The following PSMA7 variants were observed in gnomAD, a reference collection of about 807,000 sequenced individuals.
PSMA7 encodes proteasome subunit alpha type-7.
A neutral mutation model predicts 31.3 loss-of-function variants in PSMA7; 5 were observed. The observed-to-expected ratio is 0.16, with a 90% CI of 0.08 to 0.34. The LOEUF is 0.34. Ranked by LOEUF, PSMA7 falls within the 10% of genes least tolerant of loss-of-function variation. PSMA7 has a pLI of 1.00. For missense variants in PSMA7, 217 were observed against 327.5 expected, an observed-to-expected ratio of 0.66 and a Z score of 2.60; for synonymous variants, 155 against 121.9, an observed-to-expected ratio of 1.27 and a Z score of -1.79.
chr20:62,137,406 T>C lies in PSMA7; in HGVS notation c.612A>G (p.Lys204=). 6.2e-7 allele frequency: 1 copy of C among 1,614,160 alleles called. No homozygotes were observed. Among genetic ancestry groups the C allele is most frequent in the Non-Finnish European group, 8.5e-7 (1 of 1,180,022 alleles). ...GCCTCATGACAGCAAGTTCAATGTT[T>C]TTGCCACCTGACTGAACCACCTTGA... is the stretch of plus-strand genomic sequence containing the variant. ...ALLEVVQSGG[K]NIELAVMRRD... The change falls in exon 6 of 7, where the codon AAA becomes AAG. Residue 204 remains lysine (K), a synonymous_variant. Coordinates refer to ENST00000370873, the MANE Select transcript of PSMA7 (RefSeq NM_002792.4).
At chr20:62,141,875 C>T (rs904453728) in intron 1 of PSMA7, among the ~76,000 whole-genome samples, 3 of 152,176 alleles carry the variant, frequency 2.0e-5, no homozygotes, top group African/African-American at 7.2e-5. Context: ...CCGAGTCAAG[C>T]CAGAAACAAA....
rs371575648 is a variant in PSMA7, at chr20:62,140,163, T to G, written c.224-258A>C. Among the ~76,000 whole-genome samples the G allele has an allele frequency of 7.9e-5, 12 of 152,316 alleles. No homozygotes were observed. The East Asian group carries it at 1.9e-3, about 24-fold the overall frequency. On this transcript the variant is annotated intron_variant, in intron 2 of 6. Coordinates refer to ENST00000370873, the MANE Select transcript of PSMA7 (RefSeq NM_002792.4). Reference sequence around the variant, plus strand: ...AATACCTGGCTGAAAATGCATTTACTACCCCATAAACCCATTGTAAATAAA... The same window carrying G: ...AATACCTGGCTGAAAATGCATTTACGACCCCATAAACCCATTGTAAATAAA...
At chr20:62,137,084 A>T in intron 6 of PSMA7, 135 bp from the exon 7 acceptor site, 1 of 1,268,840 alleles carries the variant, frequency 7.9e-7, no homozygotes, top group Non-Finnish European at 1.1e-6. Flanking sequence ...AAGAAAAACA[A>T]GAGGATGCTG....
intron 3 of PSMA7, chr20:62,139,492 G>A: frequency 1.5e-6 from 1 of 656,078 alleles, no homozygotes; most frequent in Non-Finnish European, 2.6e-6. Context: ...GTGGCTTCCA[G>A]CCCCCTTCAA....
intron 3 of PSMA7, chr20:62,139,399 G>C (rs1444646020): frequency 2.8e-6 from 2 of 714,600 alleles, no homozygotes; most frequent in East Asian, 2.7e-5. Flanking sequence ...CCTAGGACCA[G>C]AATTGTGAAC....
chr20:62,137,045 C>T, intron 6 of PSMA7, 96 bp from the exon 7 acceptor site: 4 of 1,479,354 alleles, frequency 2.7e-6, no homozygotes, highest in African/African-American at 1.4e-5. Context: ...GGCACTGCTG[C>T]TCATACAGCC....
intron 3 of PSMA7, chr20:62,139,515 T>G: frequency 1.5e-6 from 1 of 687,684 alleles, no homozygotes; most frequent in Non-Finnish European, 2.4e-6. Context: ...GCTTTGTGAC[T>G]GGTCACTCAG....
chr20:62,141,949 T>TTCTCCA (rs2056930821), intron 1 of PSMA7, among the ~76,000 whole-genome samples: 2 of 152,254 alleles, frequency 1.3e-5, no homozygotes, highest in African/African-American at 2.4e-5. Context: ...AGCTCAGCAC[T>TTCTCCA]GTGAGCACCT....
intron 5 of PSMA7, among the ~76,000 whole-genome samples, 156 bp downstream of exon 5, chr20:62,138,015 A>G (rs1039309177): frequency 5.9e-5 from 9 of 152,230 alleles, no homozygotes; most frequent in African/African-American, 2.2e-4. Flanking sequence ...CACAGCAGTT[A>G]GGATACACCA....
chr20:62,137,461 T>C (rs2056902463), intron 5 of PSMA7, 35 bp from the exon 6 acceptor site: 1 of 1,602,500 alleles, frequency 6.2e-7, no homozygotes, highest in Non-Finnish European at 8.5e-7. Flanking sequence ...ATTAACCACC[T>C]TTCCCTATTC....
intron 1 of PSMA7, among the ~76,000 whole-genome samples, chr20:62,142,907 G>A (rs916121531): frequency 4.0e-5 from 6 of 150,518 alleles, no homozygotes; most frequent in African/African-American, 9.7e-5. Flanking sequence ...CCGGGGCCAG[G>A]GGTGCTCAAG....
Position 62,143,382 on chromosome 20 carries a change from C to A in PSMA7, c.-79G>T. On this transcript the variant is annotated 5_prime_UTR_variant, in exon 1 of 7. Coordinates refer to ENST00000370873, the MANE Select transcript of PSMA7 (RefSeq NM_002792.4). ...CACGGCCCGCGCGCACCCGCGACTC[C>A]CGGCGCCACTACGCCCGCGCCCCAC... 1.2e-6 allele frequency: 1 copy of A among 811,424 alleles called. No homozygotes were observed. The highest frequency in any genetic ancestry group is 4.1e-5 in the South Asian group (1 of 24,434). The allele number at this position is 811,424 out of a possible 1,614,324, so 50.3% of individuals were successfully genotyped here.
intron 4 of PSMA7, 45 bp from the exon 5 acceptor site, chr20:62,138,335 C>A: frequency 6.5e-7 from 1 of 1,549,824 alleles, no homozygotes. Flanking sequence ...GGCATGACAA[C>A]CCAGGGCCAG....
rs1017929667 is a variant in PSMA7 at position 62,139,531 on chromosome 20, C to G, written c.348+250G>C. ...CTTTGTGACTGGTCACTCAGGATGGCAAGACAAAAGCTATCATTTCCCTCC... is the reference window on the plus strand; with the variant it reads ...CTTTGTGACTGGTCACTCAGGATGGGAAGACAAAAGCTATCATTTCCCTCC... On this transcript the variant is annotated intron_variant, in intron 3 of 6. Coordinates refer to ENST00000370873, the MANE Select transcript of PSMA7 (RefSeq NM_002792.4). 3.2e-5 allele frequency: 24 copies of G among 741,632 alleles called. No individual in the cohort carries two copies. The African/African-American group carries it at 4.2e-4, about 13-fold the overall frequency. The allele number at this position is 741,632 out of a possible 1,614,324, so 45.9% of individuals were successfully genotyped here.
chr20:62,140,786 AGAGT>A (rs1237034207), intron 2 of PSMA7, 28 bp downstream of exon 2: 1 of 1,611,262 alleles, frequency 6.2e-7, no homozygotes, highest in African/African-American at 1.3e-5. Flanking sequence ...GAGACTCTAG[AGAGT>A]AAGACAGCGC....
In PSMA7 at chr20:62,138,299, G is replaced by C. The variant is rs779442982; in HGVS notation, c.472-9C>G. On this transcript the variant is annotated splice_polypyrimidine_tract_variant and intron_variant, in intron 4 of 6. Transcript: ENST00000370873. Reference sequence around the variant, plus strand: ...CGACCTATGGCATTGGCCTAAAACAGACACGTATGTTCTCACGTGGCATAG... The same window carrying C: ...CGACCTATGGCATTGGCCTAAAACACACACGTATGTTCTCACGTGGCATAG... 51 of 1,599,680 alleles carry C rather than the reference G, an allele frequency of 3.2e-5. No individual in the cohort carries two copies. Among genetic ancestry groups the C allele is most frequent in the South Asian group, 7.9e-5 (7 of 88,758 alleles).
At chr20:62,142,143 T>C (rs977302581) in intron 1 of PSMA7, among the ~76,000 whole-genome samples, 1 of 152,194 alleles carries the variant, frequency 6.6e-6, no homozygotes, top group African/African-American at 2.4e-5. Flanking sequence ...AGTATTGATC[T>C]GAAGTGTTTG....
In PSMA7 at chr20:62,142,882, G is replaced by T. The variant is rs1456809122; in HGVS notation, c.96+326C>A. ...CCTCTGCTCGCCGGGGCGGCGGCGC[G>T]ACCCACGCGCCCGGCCGGGGCCAGG... On this transcript the variant is annotated intron_variant, in intron 1 of 6. Transcript: ENST00000370873. Among the ~76,000 whole-genome samples the T allele has an allele frequency of 2.6e-5, 4 of 151,022 alleles. No homozygotes were observed. In the East Asian group the frequency reaches 7.8e-4, roughly 29 times the overall value.
chr20:62,141,637 TTCAC>T (rs2056927860), intron 1 of PSMA7, among the ~76,000 whole-genome samples: 2 of 152,254 alleles, frequency 1.3e-5, no homozygotes, highest in African/African-American at 2.4e-5. Context: ...GCCTGAGACT[TTCAC>T]TCAAGTCTGG....
Sources: allele counts gnomAD v4.1 joint callset (sites outside exome capture counted in the v4.1 genomes callset), GRCh38; gene constraint gnomAD v4.1.1; transcripts MANE v1.5; gene names NCBI Gene and HGNC (gene_info 2026-07-23, HGNC 2026-07-21).